Variants in AGBL4 observed in about 807,000 individuals in gnomAD.
The protein encoded by AGBL4 is cytosolic carboxypeptidase 6.
A neutral mutation model predicts 66.4 loss-of-function variants in AGBL4; 58 were observed. The observed-to-expected ratio is 0.87, with a 90% CI of 0.71 to 1.09. The LOEUF (loss-of-function observed/expected upper bound fraction) is 1.09. Ranked by LOEUF, AGBL4 falls within the 50% of genes least tolerant of loss-of-function variation. The pLI is 0.00. For missense variants in AGBL4, 579 were observed against 631.0 expected (o/e 0.92, Z 0.88); for synonymous variants, 234 against 222.9 (o/e 1.05, Z -0.44).
At chr1:49,961,350 A>T (rs1484125276) in intron 1 of AGBL4, among the ~76,000 whole-genome samples, 3 of 151,882 alleles carry the variant, frequency 2.0e-5, no homozygotes, top group Non-Finnish European at 4.4e-5. Context: ...CTCTACAAAA[A>T]ATAAATTATC....
At chr1:49,790,022 C>G (rs1037137798) in intron 2 of AGBL4, among the ~76,000 whole-genome samples, 3 of 152,022 alleles carry the variant, frequency 2.0e-5, no homozygotes, top group Non-Finnish European at 2.9e-5. Context: ...TGAGAAATAA[C>G]GCCACACATC....
chr1:50,015,353 A>C (rs1661897545), intron 1 of AGBL4, among the ~76,000 whole-genome samples: 2 of 152,236 alleles, frequency 1.3e-5, no homozygotes, highest in South Asian at 4.1e-4. Context: ...GAAGGCAAGG[A>C]CTTTTTATAA....
At chr1:48,598,167 T>C (rs1557817775) in intron 9 of AGBL4, among the ~76,000 whole-genome samples, 1 of 152,222 alleles carries the variant, frequency 6.6e-6, no homozygotes, top group Non-Finnish European at 1.5e-5. Context: ...GTTTATCCTA[T>C]GTACAGTAGA....
rs376222641 is a variant in AGBL4 at position 49,523,400 on chromosome 1, C to T, written c.282+173913G>A. Among the ~76,000 whole-genome samples the T allele has an allele frequency of 1.7e-3, 253 of 152,142 alleles. 11 individuals carry two copies. In the South Asian group the frequency reaches 0.05, roughly 30 times the overall value. On this transcript the variant is annotated intron_variant, in intron 3 of 13. Transcript: ENST00000371839. ...TCAGATCAATTTCCCCATTACACAGCGCAGAGTCATAAGGATTAAATAAGA... is the reference window on the plus strand; with the variant it reads ...TCAGATCAATTTCCCCATTACACAGTGCAGAGTCATAAGGATTAAATAAGA...
chr1:49,851,256 T>A (rs1223741180), intron 2 of AGBL4, 140 bp downstream of exon 2: 13 of 974,906 alleles, frequency 1.3e-5, no homozygotes, highest in Non-Finnish European at 1.8e-5. Flanking sequence ...TCCTTCAAAA[T>A]TTTTTCCCAT....
At chr1:49,322,413 A>G (rs1459713321) in intron 3 of AGBL4, among the ~76,000 whole-genome samples, 1 of 152,218 alleles carries the variant, frequency 6.6e-6, no homozygotes, top group Non-Finnish European at 1.5e-5. Flanking sequence ...CATTTTAGCT[A>G]TGTAGTAGGT....
intron 9 of AGBL4, among the ~76,000 whole-genome samples, chr1:48,633,788 C>A (rs1394120976): frequency 6.6e-6 from 1 of 152,212 alleles, no homozygotes; most frequent in African/African-American, 2.4e-5. Flanking sequence ...CAAGAACTTG[C>A]CCCAGGGAGC....
intron 3 of AGBL4, among the ~76,000 whole-genome samples, chr1:49,622,212 G>A (rs889369099): frequency 6.6e-6 from 1 of 152,180 alleles, no homozygotes; most frequent in African/African-American, 2.4e-5. Flanking sequence ...AGACTTAAGT[G>A]TGCATAATCA....
At chr1:49,866,920 T>C (rs1646715760) in intron 1 of AGBL4, among the ~76,000 whole-genome samples, 1 of 152,120 alleles carries the variant, frequency 6.6e-6, no homozygotes, top group East Asian at 1.9e-4. Flanking sequence ...TGGGTCTCTG[T>C]GTGGTGAATC....
intron 6 of AGBL4, among the ~76,000 whole-genome samples, chr1:48,864,928 C>T (rs1213252247): frequency 2.0e-5 from 3 of 151,950 alleles, no homozygotes; most frequent in African/African-American, 7.3e-5. Context: ...TTCATTATAT[C>T]GCTACTCTTT....
intron 3 of AGBL4, among the ~76,000 whole-genome samples, chr1:49,270,755 G>A (rs2148385588): frequency 6.6e-6 from 1 of 152,124 alleles, no homozygotes; most frequent in Non-Finnish European, 1.5e-5. Flanking sequence ...AGTCACTACT[G>A]GAATAAGTAC....
In AGBL4 at chr1:48,653,346, C is replaced by T. The variant is rs1375491600; in HGVS notation, c.830G>A (p.Gly277Asp). The T allele has an allele frequency of 7.6e-6, 12 of 1,574,264 alleles. No individual in the cohort carries two copies. The highest frequency in any genetic ancestry group is 1.0e-5 in the Non-Finnish European group (12 of 1,158,560). The change falls in exon 8 of 14, where the codon GGC becomes GAC. Residue 277 changes from glycine to aspartate, a missense_variant. Transcript: ENST00000371839. ...PMLNPDGVYL[G>D]NYRCSLMGFD... ...CTCCCCAATTCCTTACCTGTAATTG[C>T]CCAGGTAGACTCCATCAGGATTGAG...
At chr1:48,955,737 A>T (rs774178878) in intron 5 of AGBL4, among the ~76,000 whole-genome samples, 4 of 152,236 alleles carry the variant, frequency 2.6e-5, no homozygotes, top group African/African-American at 4.8e-5. Context: ...GAAGCTAGGC[A>T]GTCCCAGATT....
At chr1:49,878,591 AT>A (rs999643839) in intron 1 of AGBL4, among the ~76,000 whole-genome samples, 2 of 152,186 alleles carry the variant, frequency 1.3e-5, no homozygotes, top group Admixed American at 6.5e-5. Context: ...TATGTGGTCA[AT>A]TTTGGAATAG....
At chr1:49,715,365 T>C (rs569080271) in intron 2 of AGBL4, among the ~76,000 whole-genome samples, 5 of 152,318 alleles carry the variant, frequency 3.3e-5, no homozygotes, top group Admixed American at 1.3e-4. Context: ...CAGTCTATCA[T>C]TGATGGGCAT....
chr1:48,692,852 T>C (rs1387370380), intron 6 of AGBL4, among the ~76,000 whole-genome samples: 2 of 152,204 alleles, frequency 1.3e-5, no homozygotes, highest in Non-Finnish European at 2.9e-5. Flanking sequence ...ATGCTCTCTG[T>C]AAGAAGCCCG....
intron 3 of AGBL4, among the ~76,000 whole-genome samples, chr1:49,377,553 T>C (rs1199657793): frequency 6.6e-6 from 1 of 152,058 alleles, no homozygotes; most frequent in Non-Finnish European, 1.5e-5. Flanking sequence ...TTAAGAACCA[T>C]GAAGAGTCTG....
At chr1:49,530,997 A>G (rs1212399628) in intron 3 of AGBL4, among the ~76,000 whole-genome samples, 1 of 152,116 alleles carries the variant, frequency 6.6e-6, no homozygotes, top group Non-Finnish European at 1.5e-5. Context: ...CTAGGTCAAT[A>G]CCTAGCACAG....
chr1:49,205,101 C>T (rs904825366), intron 4 of AGBL4, among the ~76,000 whole-genome samples: 4 of 152,086 alleles, frequency 2.6e-5, no homozygotes, highest in Non-Finnish European at 5.9e-5. Context: ...ATAGTCTAGA[C>T]GAACTCCATC....
Sources: allele counts gnomAD v4.1 joint callset (sites outside exome capture counted in the v4.1 genomes callset), GRCh38; gene constraint gnomAD v4.1.1; transcripts MANE v1.5; gene names NCBI Gene and HGNC (gene_info 2026-07-23, HGNC 2026-07-21).